Variants in AMER3 observed in about 807,000 individuals in gnomAD.
AMER3 encodes family with sequence similarity 123C.
For synonymous variants in AMER3, 541 were observed against 485.5 expected (o/e 1.11, Z -1.50); for missense variants, 1,201 against 1,139.4 (o/e 1.05, Z -0.78).
At chr2:130,761,987 G>A in intron 1 of AMER3, 67 bp from the exon 2 acceptor site, 1 of 1,428,712 alleles carries the variant, frequency 7.0e-7, no homozygotes. Context: ...AGAGGGGTAG[G>A]CAGGGTCTTC....
At position 130,764,557 on chromosome 2, in the gene AMER3, G is replaced by A. The variant is rs1678929132; in HGVS notation, c.2485G>A (p.Ala829Thr). 1.2e-6 allele frequency: 2 copies of A among 1,603,900 alleles called. No homozygotes were observed. Among genetic ancestry groups the A allele is most frequent in the Non-Finnish European group, 1.7e-6 (2 of 1,176,052 alleles). ...SQQEGGVSASAPECRCSLLAR... is the reference protein window; with the variant it reads ...SQQEGGVSASTPECRCSLLAR... Reference sequence around the variant, plus strand: ...GCAGGAAGGGGGGGTCTCTGCAAGTGCCCCAGAATGCCGCTGCAGCCTCCT... The same window carrying A: ...GCAGGAAGGGGGGGTCTCTGCAAGTACCCCAGAATGCCGCTGCAGCCTCCT... The change falls in exon 2 of 2, where the codon GCC becomes ACC. Residue 829 changes from alanine (A) to threonine (T), a missense_variant. Physicochemically the swap from Ala to Thr is moderately conservative, Grantham distance 58 (BLOSUM62 0). Coordinates refer to ENST00000321420, the MANE Select transcript of AMER3 (RefSeq NM_152698.3).
intron 1 of AMER3, among the ~76,000 whole-genome samples, chr2:130,760,627 A>T (rs188336931): frequency 4.6e-5 from 7 of 152,204 alleles, no homozygotes; most frequent in African/African-American, 1.7e-4. Flanking sequence ...CAGAGTACTG[A>T]CTGTCAGGCC....
chr2:130,760,404 G>A (rs1678742158), intron 1 of AMER3, among the ~76,000 whole-genome samples: 1 of 152,232 alleles, frequency 6.6e-6, no homozygotes, highest in African/African-American at 2.4e-5. Flanking sequence ...GGGTCCTCAT[G>A]AAGAAGCATT....
rs1031885517 is a variant in AMER3, at chr2:130,764,785, C to T, written c.*127C>T. The T allele has an allele frequency of 8.5e-7, 1 of 1,181,406 alleles. No homozygotes were observed. Among genetic ancestry groups the T allele is most frequent in the Admixed American group, 2.9e-5 (1 of 34,890 alleles). 73.2% of individuals were successfully genotyped at this position (1,181,406 alleles called of 1,614,324 possible). On this transcript the variant is annotated 3_prime_UTR_variant, in exon 2 of 2. Transcript: ENST00000321420. ...GTTGGGGGTGGGGGGTGGCAGGACT[C>T]AGGCATGCAGAGGGTAGCATGTTCA...
rs768103305 is a variant in AMER3, at chr2:130,762,443, G to A, written c.371G>A (p.Arg124Gln). Reference protein sequence around the residue: ...SASFPGSPGSRRMIDYRHFVP... With the variant: ...SASFPGSPGSQRMIDYRHFVP... The stretch of plus-strand genomic sequence containing the variant: ...AGCTTCCCGGGCTCCCCGGGCAGCC[G>A]GCGCATGATCGACTACCGCCACTTT... The change falls in exon 2 of 2, where the codon CGG (arginine) becomes CAG (glutamine). Residue 124 changes from arginine to glutamine, a missense_variant. By Grantham distance (43) the Arg-to-Gln change is conservative. Transcript: ENST00000321420. The A allele has an allele frequency of 1.3e-5, 21 of 1,612,760 alleles. No individual in the cohort carries two copies. The highest frequency in any genetic ancestry group is 5.5e-5 in the South Asian group (5 of 91,084).
rs983772806 is a variant in AMER3, at chr2:130,763,052, C to G, written c.980C>G (p.Pro327Arg). 3.7e-6 allele frequency: 6 copies of G among 1,612,946 alleles called. No homozygotes were observed. The South Asian group carries it at 5.5e-5, about 15-fold the overall frequency. Reference protein sequence around the residue: ...VRQQQRALLGPWLSGPQGTDR... With the variant: ...VRQQQRALLGRWLSGPQGTDR... ...CAGCAGCAGCGTGCCCTCCTAGGCCCGTGGCTTTCAGGCCCCCAGGGGACA... is the reference window on the plus strand; with the variant it reads ...CAGCAGCAGCGTGCCCTCCTAGGCCGGTGGCTTTCAGGCCCCCAGGGGACA... The change falls in exon 2 of 2, where the codon CCG (proline) becomes CGG (arginine). Residue 327 changes from proline (P) to arginine (R), a missense_variant. Transcript: ENST00000321420.
chr2:130,758,598 A>G (rs559881670), intron 1 of AMER3, among the ~76,000 whole-genome samples: 1 of 152,386 alleles, frequency 6.6e-6, no homozygotes, highest in Admixed American at 6.5e-5. Context: ...TAACTAAGTA[A>G]TAGCTCACCG....
chr2:130,758,251 C>T (rs1678670378), intron 1 of AMER3, among the ~76,000 whole-genome samples: 1 of 152,044 alleles, frequency 6.6e-6, no homozygotes, highest in Non-Finnish European at 1.5e-5. Flanking sequence ...GTAGTCCCAG[C>T]TATTCAGGAG....
Position 130,763,872 on chromosome 2 carries a change from T to G in AMER3, c.1800T>G (p.Ser600=). The change falls in exon 2 of 2, where the codon TCT becomes TCG. Residue 600 remains serine, a synonymous_variant. Coordinates refer to ENST00000321420, the MANE Select transcript of AMER3 (RefSeq NM_152698.3). ...QGTGTLSRDA[S]REEETRGHSE... Reference sequence around the variant, plus strand: ...CTGGCACACTGTCCAGGGATGCCTCTCGAGAGGAAGAGACACGAGGTCACT... The same window carrying G: ...CTGGCACACTGTCCAGGGATGCCTCGCGAGAGGAAGAGACACGAGGTCACT... 2 of 1,613,438 alleles carry G rather than the reference T, an allele frequency of 1.2e-6. No individual in the cohort carries two copies. Among genetic ancestry groups the G allele is most frequent in the Non-Finnish European group, 1.7e-6 (2 of 1,180,022 alleles).
Position 130,763,788 on chromosome 2 carries a change from G to C in AMER3, c.1716G>C (p.Pro572=). The change falls in exon 2 of 2, where the codon CCG becomes CCC. Residue 572 remains proline, a synonymous_variant. Transcript: ENST00000321420. ...GCAGGCAGGAGCTGTGGGCACACCC[G>C]GGCACCACAGGCCTGCTCGCCGGAG... ...APSRQELWAH[P]GTTGLLAGES... 4 of 1,607,892 alleles carry C rather than the reference G, an allele frequency of 2.5e-6. No individual in the cohort carries two copies. Among genetic ancestry groups the C allele is most frequent in the Non-Finnish European group, 3.4e-6 (4 of 1,177,116 alleles).
At chr2:130,761,785 A>C (rs1678788250) in intron 1 of AMER3, among the ~76,000 whole-genome samples, 2 of 152,182 alleles carry the variant, frequency 1.3e-5, no homozygotes, top group African/African-American at 4.8e-5. Flanking sequence ...CAGAACACGG[A>C]GTCTGAATGG....
intron 1 of AMER3, among the ~76,000 whole-genome samples, chr2:130,761,194 T>C (rs1487395003): frequency 6.6e-6 from 1 of 152,206 alleles, no homozygotes; most frequent in Non-Finnish European, 1.5e-5. Flanking sequence ...CTGATCTCAG[T>C]GTAGGGCCGG....
rs200636300 is a variant in AMER3 at position 130,762,281 on chromosome 2, C to T, written c.209C>T (p.Ala70Val). 19 of 1,584,342 alleles carry T rather than the reference C, an allele frequency of 1.2e-5. No homozygotes were observed. Among genetic ancestry groups the T allele is most frequent in the African/African-American group, 4.0e-5 (3 of 74,378 alleles). ...TACGACAGATGCCCCAACAAAGGGG[C>T]GCAGCTGGACCCCAAAGGGGGACCC... Reference protein sequence around the residue: ...QEYDRCPNKGAQLDPKGGPAA... With the variant: ...QEYDRCPNKGVQLDPKGGPAA... The change falls in exon 2 of 2, where the codon GCG becomes GTG. Residue 70 changes from alanine (A) to valine (V), a missense_variant. By Grantham distance (64) the Ala-to-Val change is moderately conservative. Coordinates refer to ENST00000321420, the MANE Select transcript of AMER3 (RefSeq NM_152698.3).
At position 130,764,724 on chromosome 2, in the gene AMER3, C is replaced by G. The variant is rs1678936300; in HGVS notation, c.*66C>G. 6 of 1,349,944 alleles carry G rather than the reference C, an allele frequency of 4.4e-6. No homozygotes were observed. The highest frequency in any genetic ancestry group is 6.0e-6 in the Non-Finnish European group (6 of 998,510). The allele number at this position is 1,349,944 out of a possible 1,614,324, so 83.6% of individuals were successfully genotyped here. On this transcript the variant is annotated 3_prime_UTR_variant, in exon 2 of 2. Transcript: ENST00000321420. ...ACCACTTTCAGGAGAGCCTAGGACT[C>G]AAATCTCTATCTTTTGTCCCTGATG...
chr2:130,767,768 T>A lies in AMER3; in HGVS notation c.*3110T>A, dbSNP rs990466645. On this transcript the variant is annotated 3_prime_UTR_variant, in exon 2 of 2. Transcript: ENST00000321420. ...GATCCTTGCATCAACCTCAATGCAG[T>A]TGTCAGCCCCATTTTTCAGACCTGG... 3.0e-5 allele frequency: 5 copies of A among 167,392 alleles called. No individual in the cohort carries two copies. Among genetic ancestry groups the A allele is most frequent in the East Asian group, 3.8e-4 (2 of 5,200 alleles). The allele number at this position is 167,392 out of a possible 1,614,324, so 10.4% of individuals were successfully genotyped here.
chr2:130,763,571 C>T lies in AMER3; in HGVS notation c.1499C>T (p.Thr500Ile). The change falls in exon 2 of 2, where the codon ACT (threonine) becomes ATT (isoleucine). Residue 500 changes from threonine to isoleucine, a missense_variant. Transcript: ENST00000321420. ...GAGTGCCTGCTGAAGCTGTGTGACA[C>T]TGAGCTCGCCATCACCATGGGCATC... is the stretch of plus-strand genomic sequence containing the variant. ...GKECLLKLCD[T>I]ELAITMGIVS... The T allele has an allele frequency of 1.2e-6, 2 of 1,611,686 alleles. No individual in the cohort carries two copies. The highest frequency in any genetic ancestry group is 1.7e-6 in the Non-Finnish European group (2 of 1,179,650).
chr2:130,767,971 C>T lies in AMER3; in HGVS notation c.*3313C>T, dbSNP rs1216518904. On this transcript the variant is annotated 3_prime_UTR_variant, in exon 2 of 2. Coordinates refer to ENST00000321420, the MANE Select transcript of AMER3 (RefSeq NM_152698.3). ...CTCAGCCCTTCCTGCTTTCAGGCTC[C>T]AGATGTCAGAGCACCCTTGGGTGCC... 2 of 167,110 alleles carry T rather than the reference C, an allele frequency of 1.2e-5. No homozygotes were observed. The highest frequency in any genetic ancestry group is 2.9e-5 in the Non-Finnish European group (2 of 68,156). The allele number at this position is 167,110 out of a possible 1,614,324, so 10.4% of individuals were successfully genotyped here.
Position 130,767,038 on chromosome 2 carries a change from A to C in AMER3, c.*2380A>C, listed in dbSNP as rs535489246. On this transcript the variant is annotated 3_prime_UTR_variant, in exon 2 of 2. Transcript: ENST00000321420. ...ACTCCCTCCACGCTGTCAGATCGCC[A>C]TTCCCCTTCAGGAAAACTTCGAATG... 1.2e-5 allele frequency: 2 copies of C among 167,092 alleles called. No individual in the cohort carries two copies. Among genetic ancestry groups the C allele is most frequent in the Non-Finnish European group, 2.9e-5 (2 of 68,146 alleles). The allele number at this position is 167,092 out of a possible 1,614,324, so 10.4% of individuals were successfully genotyped here.
chr2:130,767,932 C>G lies in AMER3; in HGVS notation c.*3274C>G, dbSNP rs72855000. On this transcript the variant is annotated 3_prime_UTR_variant, in exon 2 of 2. Transcript: ENST00000321420. The stretch of plus-strand genomic sequence containing the variant: ...TCTCACTGAGCTCCTGCAGTGAAGT[C>G]CCCCCTCAGAGCCCTCAGCCCTTCC... 6.0e-6 allele frequency: 1 copy of G among 167,092 alleles called. No homozygotes were observed. Among genetic ancestry groups the G allele is most frequent in the African/African-American group, 2.4e-5 (1 of 41,406 alleles). The allele number at this position is 167,092 out of a possible 1,614,324, so 10.4% of individuals were successfully genotyped here.
Sources: gnomAD v4.1 joint callset for allele counts (sites outside exome capture counted in the v4.1 genomes callset) on GRCh38, gnomAD v4.1.1 for gene constraint, MANE v1.5 for transcripts, NCBI Gene and HGNC (gene_info 2026-07-23, HGNC 2026-07-21) for gene names.